The following DGKI variants were observed in gnomAD, a reference collection of about 807,000 sequenced individuals.
The protein encoded by DGKI is diacylglycerol kinase iota.
A neutral mutation model predicts 147.5 loss-of-function variants in DGKI; 55 were observed. The ratio of observed to expected loss-of-function variants is 0.37; its 90% CI spans 0.30 to 0.47. DGKI has a LOEUF of 0.47. DGKI is among the 20% of genes least tolerant of loss of function. The pLI is 1.00. For missense variants in DGKI, 1,007 were observed against 1,323.8 expected (o/e 0.76, Z 3.71); for synonymous variants, 469 against 477.1 (o/e 0.98, Z 0.22).
intron 3 of DGKI, among the ~76,000 whole-genome samples, chr7:137,671,865 G>A (rs1477971877): frequency 1.3e-5 from 2 of 152,186 alleles, no homozygotes; most frequent in East Asian, 1.9e-4. Context: ...CATTATCTAC[G>A]AGGAAAAGAC....
At chr7:137,733,904 T>C (rs1794952676) in intron 1 of DGKI, among the ~76,000 whole-genome samples, 2 of 152,106 alleles carry the variant, frequency 1.3e-5, no homozygotes, top group Admixed American at 1.3e-4. Context: ...ATGACCACCC[T>C]CCAATCTACT....
chr7:137,842,612 C>G (rs956106603), intron 1 of DGKI, among the ~76,000 whole-genome samples: 2 of 152,034 alleles, frequency 1.3e-5, no homozygotes, highest in African/African-American at 4.8e-5. Flanking sequence ...TGGGCCAGCT[C>G]TTCATTGGAC....
At chr7:137,660,553 A>G (rs1018712756) in intron 3 of DGKI, among the ~76,000 whole-genome samples, 22 of 152,204 alleles carry the variant, frequency 1.4e-4, no homozygotes, top group Admixed American at 8.5e-4. Flanking sequence ...GGGAATGGGG[A>G]TTGAGGAGGA....
At chr7:137,779,673 A>T (rs1796460783) in intron 1 of DGKI, among the ~76,000 whole-genome samples, 1 of 152,176 alleles carries the variant, frequency 6.6e-6, no homozygotes, top group Non-Finnish European at 1.5e-5. Context: ...TTGACAAAAG[A>T]ATTACCCAGT....
chr7:137,570,685 G>A (rs967111325), intron 19 of DGKI, among the ~76,000 whole-genome samples: 26 of 151,128 alleles, frequency 1.7e-4, no homozygotes, highest in African/African-American at 5.6e-4. Context: ...TTTGCCTCCT[G>A]TGTTCAAGCA....
intron 20 of DGKI, among the ~76,000 whole-genome samples, chr7:137,550,368 G>A (rs1216638718): frequency 6.6e-6 from 1 of 152,032 alleles, no homozygotes; most frequent in East Asian, 1.9e-4. Context: ...CAGAGAAGGG[G>A]TTTTGCCGTG....
chr7:137,388,233 G>A lies in DGKI; in HGVS notation c.*2987C>T, dbSNP rs1471482935. The A allele has an allele frequency of 6.6e-6, 1 of 152,146 alleles. No individual in the cohort carries two copies. The allele number at this position is 152,146 out of a possible 1,614,324, so 9.4% of individuals were successfully genotyped here. On this transcript the variant is annotated 3_prime_UTR_variant, in exon 33 of 33. Transcript: ENST00000614521. Reference sequence around the variant, plus strand: ...AAGTCCTTGAATACGATAAAGCACAGTTTAACTGTGTTCTATTTTGTTAAA... The same window carrying A: ...AAGTCCTTGAATACGATAAAGCACAATTTAACTGTGTTCTATTTTGTTAAA...
intron 28 of DGKI, among the ~76,000 whole-genome samples, chr7:137,414,656 A>C (rs1812291143): frequency 6.6e-6 from 1 of 152,084 alleles, no homozygotes; most frequent in Admixed American, 6.5e-5. Context: ...TCAGCACCAT[A>C]ATACAGACCC....
At chr7:137,459,220 T>C (rs896560758) in intron 27 of DGKI, among the ~76,000 whole-genome samples, 24 of 152,114 alleles carry the variant, frequency 1.6e-4, no homozygotes, top group African/African-American at 4.3e-4. Flanking sequence ...AAAAGGGAGG[T>C]TGATGGATCT....
chr7:137,441,526 T>C (rs1161995421), intron 28 of DGKI, among the ~76,000 whole-genome samples: 1 of 151,940 alleles, frequency 6.6e-6, no homozygotes, highest in Non-Finnish European at 1.5e-5. Flanking sequence ...AGCTCCATTT[T>C]ACAGACAAGG....
At chr7:137,413,764 G>C (rs1348544529) in intron 28 of DGKI, among the ~76,000 whole-genome samples, 1 of 152,086 alleles carries the variant, frequency 6.6e-6, no homozygotes, top group East Asian at 1.9e-4. Flanking sequence ...ATGTGTTTTT[G>C]GTAGGATGAT....
In DGKI at chr7:137,618,151, A is replaced by ATTTTTTTTTTTTTTTTTTTTTT. The variant is rs1156891729; in HGVS notation, c.993+1672_993+1673insAAAAAAAAAAAAAAAAAAAAAA. On this transcript the variant is annotated intron_variant, in intron 8 of 32. Coordinates refer to ENST00000614521, the MANE Select transcript of DGKI (RefSeq NM_001321708.2). ...ACTATATATATATATATATATATAT[A>ATTTTTTTTTTTTTTTTTTTTTT]TTTTTTTTTTTTTACTCTATCATTC... 1.9e-4 allele frequency among the ~76,000 whole-genome samples: 2 copies of ATTTTTTTTTTTTTTTTTTTTTT among 10,450 alleles called. 1 individual carries two copies. The highest frequency in any genetic ancestry group is 2.5e-4 in the African/African-American group (2 of 7,990). The allele number at this position is 10,450 out of a possible 152,430, so 6.9% of individuals were successfully genotyped here. A position where few individuals can be genotyped will look rare whatever the true frequency, so the allele number is the denominator to read the frequency against.
intron 3 of DGKI, among the ~76,000 whole-genome samples, chr7:137,675,683 CAAAAAAAAAA>C (rs61282606): frequency 3.7e-5 from 4 of 107,688 alleles, no homozygotes; most frequent in East Asian, 2.7e-4. Flanking sequence ...AGACTACATC[CAAAAAAAAAA>C]AAAAAAAAAA....
chr7:137,727,024 G>A (rs1230955243), intron 1 of DGKI, among the ~76,000 whole-genome samples: 1 of 151,944 alleles, frequency 6.6e-6, no homozygotes, highest in African/African-American at 2.4e-5. Flanking sequence ...TGTATGTTAA[G>A]GATGCCGTTG....
At chr7:137,678,191 A>G (rs1188109298) in intron 3 of DGKI, among the ~76,000 whole-genome samples, 1 of 152,034 alleles carries the variant, frequency 6.6e-6, no homozygotes. Flanking sequence ...CTACAGACAG[A>G]GCCCCTTCCT....
rs779464561 is a variant in DGKI, at chr7:137,463,551, C to T, written c.2673G>A (p.Gly891=). 20 of 1,614,056 alleles carry T rather than the reference C, an allele frequency of 1.2e-5. No homozygotes were observed. The highest frequency in any genetic ancestry group is 2.2e-5 in the East Asian group (1 of 44,886). The change falls in exon 27 of 33, where the codon GGG becomes GGA. Residue 891 remains glycine (G), a synonymous_variant. Transcript: ENST00000614521. ...AGTCCTCATAATAGGGAGCTATCAT[C>T]CCCAGCCCACTGTCACTCAGCATGC... is the stretch of plus-strand genomic sequence containing the variant. ...RKRMLSDSGL[G]MIAPYYEDSD...
At chr7:137,750,927 C>G (rs1036881620) in intron 1 of DGKI, among the ~76,000 whole-genome samples, 2 of 152,054 alleles carry the variant, frequency 1.3e-5, no homozygotes, top group African/African-American at 4.8e-5. Flanking sequence ...GTCAGAAGTC[C>G]TAGGTTTCAG....
Position 137,846,742 on chromosome 7 carries a change from C to G in DGKI, c.121G>C (p.Ala41Pro). ...ASPPGPCSGAACAPSAAAGAG... is the reference protein window; with the variant it reads ...ASPPGPCSGAPCAPSAAAGAG... ...CCGGCGGCCGCGGAGGGAGCGCAGGCGGCGCCGCTGCAGGGGCCGGGCGGG... is the reference window on the plus strand; with the variant it reads ...CCGGCGGCCGCGGAGGGAGCGCAGGGGGCGCCGCTGCAGGGGCCGGGCGGG... Residue 41 changes from alanine (A) to proline (P), a missense_variant, in exon 1 of 33, where the codon GCC (alanine) becomes CCC (proline). Ala to Pro is a conservative substitution (Grantham distance 27, BLOSUM62 -1). Around this residue, in one of 5 missense-constraint regions of DGKI, gnomAD observed 137 missense variants for 114.4 expected, o/e 1.20. Transcript: ENST00000614521. This position sits in a 1 kb window ranked among gnomAD's most constrained non-coding sequence, Gnocchi z 4.0. 1 of 1,011,736 alleles carries G rather than the reference C, an allele frequency of 9.9e-7. No homozygotes were observed. Among genetic ancestry groups the G allele is most frequent in the Non-Finnish European group, 1.2e-6 (1 of 849,960 alleles). 62.7% of individuals were successfully genotyped at this position (1,011,736 alleles called of 1,614,324 possible).
chr7:137,739,026 C>A (rs1442050997), intron 1 of DGKI, among the ~76,000 whole-genome samples: 1 of 152,078 alleles, frequency 6.6e-6, no homozygotes, highest in Non-Finnish European at 1.5e-5. Context: ...TGTTTTTTAT[C>A]CAAATATGTT....
Sources: allele counts gnomAD v4.1 joint callset (sites outside exome capture counted in the v4.1 genomes callset), GRCh38; gene constraint gnomAD v4.1.1; regional missense constraint gnomAD v4.1.1; non-coding constraint Gnocchi (gnomAD v3.1); transcripts MANE v1.5; gene names NCBI Gene and HGNC (gene_info 2026-07-23, HGNC 2026-07-21).